The following PUDP variants were observed in gnomAD, a reference collection of about 807,000 sequenced individuals.
The protein encoded by PUDP is pseudouridine-5'-phosphatase.
A neutral mutation model predicts 9.4 loss-of-function variants in PUDP; 8 were observed. The ratio of observed to expected loss-of-function variants is 0.85; its 90% CI spans 0.50 to 1.53. The LOEUF is 1.53. PUDP is among the 40% of genes most tolerant of loss of function. The pLI, the probability that PUDP is intolerant of heterozygous loss-of-function variation, is 0.00. For missense variants in PUDP, 188 were observed against 189.7 expected, an observed-to-expected ratio of 0.99 and a Z score of 0.05; for synonymous variants, 99 against 80.7, an observed-to-expected ratio of 1.23 and a Z score of -1.22.
intron 1 of PUDP, among the ~76,000 whole-genome samples, chrX:7,109,833 C>T (rs1481445311): frequency 8.9e-6 from 1 of 112,824 alleles, no homozygotes; most frequent in East Asian, 2.8e-4. Context: ...TTCTTCCCTG[C>T]TTACTAACAA....
chrX:6,770,861 A>C, intron 3 of PUDP, among the ~76,000 whole-genome samples: 1 of 111,971 alleles, frequency 8.9e-6, no homozygotes, highest in Non-Finnish European at 1.9e-5. Flanking sequence ...TACGTTTCAA[A>C]TGATGAGGAA....
chrX:7,057,879 G>A, intron 3 of PUDP: 1 of 914,337 alleles, frequency 1.1e-6, no homozygotes, highest in East Asian at 3.4e-5. Context: ...CAGGAGCTAG[G>A]TTAGGTTTTC....
chrX:7,143,574 A>G (rs1418614627), intron 1 of PUDP, among the ~76,000 whole-genome samples: 1 of 112,116 alleles, frequency 8.9e-6, no homozygotes, highest in Non-Finnish European at 1.9e-5. Flanking sequence ...GTGGACAACC[A>G]ACCACTTACT....
At chrX:7,066,605 C>T (rs1017454507) in intron 3 of PUDP, among the ~76,000 whole-genome samples, 5 of 111,315 alleles carry the variant, frequency 4.5e-5, no homozygotes, top group Non-Finnish European at 5.7e-5. Flanking sequence ...GGTGGTAATG[C>T]TGGCTCACTC....
chrX:7,143,743 T>C (rs188135531), intron 1 of PUDP, among the ~76,000 whole-genome samples: 17 of 112,318 alleles, frequency 1.5e-4, no homozygotes, highest in Non-Finnish European at 1.9e-5. Context: ...GTGCTTTCTA[T>C]ATTCCAGAAG....
At chrX:7,047,161 T>C (rs780112549), downstream of PUDP, among the ~76,000 whole-genome samples, 1 of 111,981 alleles carries the variant, frequency 8.9e-6, no homozygotes, top group South Asian at 3.7e-4. Flanking sequence ...TCGGAACAGG[T>C]AACACAATGA....
At chrX:6,711,133 G>A (rs1924527626) in intron 1 of PUDP, among the ~76,000 whole-genome samples, 1 of 111,766 alleles carries the variant, frequency 8.9e-6, no homozygotes, top group Non-Finnish European at 1.9e-5. Context: ...TAGGAGAAAT[G>A]GCGCAAACAT....
chrX:6,802,701 T>C (rs1427834701), intron 3 of PUDP, among the ~76,000 whole-genome samples: 3 of 108,668 alleles, frequency 2.8e-5, no homozygotes, highest in Non-Finnish European at 5.7e-5. Context: ...CTGGGCCACA[T>C]GGTGAAACCC....
At chrX:6,789,644 T>A (rs754565581) in intron 3 of PUDP, among the ~76,000 whole-genome samples, 1 of 109,950 alleles carries the variant, frequency 9.1e-6, no homozygotes, top group Non-Finnish European at 1.9e-5. Context: ...AGAAAATAGG[T>A]AGGGCAGCAC....
intron 3 of PUDP, among the ~76,000 whole-genome samples, chrX:6,927,326 G>A (rs909780465): frequency 8.9e-6 from 1 of 111,892 alleles, no homozygotes; most frequent in African/African-American, 3.3e-5. Flanking sequence ...AAGCTACCCC[G>A]TGTTTTTAAT....
intron 3 of PUDP, among the ~76,000 whole-genome samples, chrX:6,760,095 G>C (rs1271285547): frequency 8.9e-6 from 1 of 111,960 alleles, no homozygotes; most frequent in East Asian, 2.8e-4. Flanking sequence ...CCAACTGCAA[G>C]GCAATGCCAT....
upstream of PUDP, among the ~76,000 whole-genome samples, chrX:6,724,721 T>C (rs1458547349): frequency 1.8e-5 from 2 of 111,670 alleles, no homozygotes; most frequent in Non-Finnish European, 3.8e-5. Flanking sequence ...GTATGCAGGA[T>C]TGTTTAACCA....
upstream of PUDP, among the ~76,000 whole-genome samples, chrX:6,725,999 G>A (rs1188568743): frequency 4.5e-5 from 5 of 111,731 alleles, no homozygotes; most frequent in African/African-American, 1.3e-4. Flanking sequence ...CCTGGAGCTC[G>A]TGAACACACA....
chrX:6,822,676 C>T (rs1052751156), intron 3 of PUDP, among the ~76,000 whole-genome samples: 18 of 102,122 alleles, frequency 1.8e-4, no homozygotes, highest in South Asian at 4.7e-4. Context: ...CCACCCGCCT[C>T]GGCCTCCCAA....
chrX:6,735,499 C>G (rs1457758580), intron 3 of PUDP, among the ~76,000 whole-genome samples: 2 of 112,460 alleles, frequency 1.8e-5, no homozygotes, highest in African/African-American at 6.5e-5. Flanking sequence ...ATACCTTTCT[C>G]TCTTTGTGTA....
intron 3 of PUDP, among the ~76,000 whole-genome samples, chrX:6,951,601 T>C (rs1161179447): frequency 1.8e-5 from 2 of 111,611 alleles, no homozygotes; most frequent in Non-Finnish European, 3.8e-5. Context: ...ATTTAGAAGA[T>C]GCCTGCATGA....
At chrX:6,847,408 C>T (rs1380198711) in intron 3 of PUDP, among the ~76,000 whole-genome samples, 2 of 111,955 alleles carry the variant, frequency 1.8e-5, no homozygotes, top group Non-Finnish European at 3.8e-5. Context: ...AATTTCAATA[C>T]AGTTTGGACA....
At chrX:7,089,293 A>C (rs1420934804) in intron 2 of PUDP, among the ~76,000 whole-genome samples, 1 of 111,873 alleles carries the variant, frequency 8.9e-6, no homozygotes, top group Non-Finnish European at 1.9e-5. Flanking sequence ...TCCCCAGAGA[A>C]GAGTTCTCCA....
intron 1 of PUDP, among the ~76,000 whole-genome samples, chrX:7,131,991 C>T (rs1226069750): frequency 9.1e-6 from 1 of 110,440 alleles, no homozygotes; most frequent in Non-Finnish European, 1.9e-5. Flanking sequence ...GACTGGCCAA[C>T]TTCCTTTTCC....
Sources: gnomAD v4.1 joint callset for allele counts (sites outside exome capture counted in the v4.1 genomes callset) on GRCh38, gnomAD v4.1.1 for gene constraint, MANE v1.5 for transcripts, NCBI Gene and HGNC (gene_info 2026-07-23, HGNC 2026-07-21) for gene names.